PPIH: variants seen among roughly 807,000 people sequenced by gnomAD.
PPIH encodes peptidylprolyl isomerase H.
PPIH carries 16 observed loss-of-function variants against 27.6 expected under a neutral mutation model. That is an observed-to-expected ratio of 0.58 (90% CI 0.39 to 0.88). The LOEUF (loss-of-function observed/expected upper bound fraction) is 0.88, where lower values mean the gene tolerates loss of function less well. PPIH is among the 40% of genes least tolerant of loss of function. The pLI is 0.00. For synonymous variants in PPIH, 63 were observed against 76.1 expected, an observed-to-expected ratio of 0.83 and a Z score of 0.90; for missense variants, 155 against 224.1, an observed-to-expected ratio of 0.69 and a Z score of 1.97.
intron 9 of PPIH, among the ~76,000 whole-genome samples, chr1:42,667,851 G>A (rs562214214): frequency 4.3e-4 from 65 of 152,346 alleles, no homozygotes; most frequent in African/African-American, 1.5e-3. Flanking sequence ...AGACACACCT[G>A]TCATGCCTCT....
intron 9 of PPIH, among the ~76,000 whole-genome samples, chr1:42,674,668 T>C (rs1399912787): frequency 1.3e-5 from 2 of 152,238 alleles, no homozygotes; most frequent in African/African-American, 2.4e-5. Context: ...AAGATGATTC[T>C]AGCAGCATTG....
chr1:42,666,936 C>G (rs568070338), intron 8 of PPIH, among the ~76,000 whole-genome samples: 1 of 152,260 alleles, frequency 6.6e-6, no homozygotes, highest in Non-Finnish European at 1.5e-5. Context: ...CCATGCATGT[C>G]CCTGCTGCTT....
intron 8 of PPIH, 120 bp downstream of exon 8, chr1:42,666,707 C>T: frequency 1.9e-6 from 2 of 1,045,358 alleles, no homozygotes; most frequent in Admixed American, 2.0e-5. Context: ...TTCATTGCCC[C>T]AGGAAAAGGG....
At position 42,665,975 on chromosome 1, in the gene PPIH, A is replaced by T; in HGVS notation, c.337-5A>T. On this transcript the variant is annotated splice_polypyrimidine_tract_variant and splice_region_variant and intron_variant, in intron 6 of 9. Coordinates refer to ENST00000304979, the MANE Select transcript of PPIH (RefSeq NM_006347.4). ...CTTACTGCAGGTATATTTGGTTTCCATCAGGCGAACAGTGGTCCAAGTACA... is the reference window on the plus strand; with the variant it reads ...CTTACTGCAGGTATATTTGGTTTCCTTCAGGCGAACAGTGGTCCAAGTACA... The T allele has an allele frequency of 6.2e-7, 1 of 1,613,886 alleles. No individual in the cohort carries two copies. Among genetic ancestry groups the T allele is most frequent in the Non-Finnish European group, 8.5e-7 (1 of 1,179,740 alleles).
chr1:42,666,625 G>C, intron 8 of PPIH, 38 bp downstream of exon 8: 6 of 1,601,582 alleles, frequency 3.7e-6, no homozygotes, highest in Non-Finnish European at 4.3e-6. Flanking sequence ...CTCTGCCATT[G>C]TGGTCTGGTA....
chr1:42,675,936 G>T (rs1052733022), intron 9 of PPIH, among the ~76,000 whole-genome samples: 1 of 152,158 alleles, frequency 6.6e-6, no homozygotes, highest in African/African-American at 2.4e-5. Flanking sequence ...TGTGACTTCA[G>T]TCAAGCCATG....
At chr1:42,659,424 C>T (rs747332624) in intron 3 of PPIH, 98 bp from the exon 4 acceptor site, 1 of 1,614,092 alleles carries the variant, frequency 6.2e-7, no homozygotes. Context: ...TGTCTGTCAA[C>T]CATCTTTAGG....
intron 9 of PPIH, among the ~76,000 whole-genome samples, chr1:42,670,469 A>T (rs550652157): frequency 1.1e-4 from 17 of 152,130 alleles, no homozygotes; most frequent in Non-Finnish European, 2.2e-4. Context: ...ACATAAAGTT[A>T]CTGGAAGTCC....
intron 9 of PPIH, 23 bp downstream of exon 9, chr1:42,667,463 A>G: frequency 6.5e-7 from 1 of 1,531,972 alleles, no homozygotes; most frequent in Non-Finnish European, 9.0e-7. Context: ...TTCTCCTATT[A>G]GGTTAGGAAT....
intron 9 of PPIH, among the ~76,000 whole-genome samples, chr1:42,674,423 T>C (rs777793674): frequency 2.0e-5 from 3 of 151,988 alleles, no homozygotes; most frequent in East Asian, 1.9e-4. Flanking sequence ...GGTGAGAAGG[T>C]TGGAGAGAGG....
intron 8 of PPIH, 134 bp from the exon 9 acceptor site, chr1:42,667,217 A>G (rs2148718111): frequency 2.8e-6 from 2 of 703,016 alleles, no homozygotes; most frequent in East Asian, 5.4e-5. Flanking sequence ...TATATGCTTT[A>G]CCTGTCTGCC....
chr1:42,663,657 C>T (rs1218662376), intron 5 of PPIH, among the ~76,000 whole-genome samples: 4 of 152,138 alleles, frequency 2.6e-5, no homozygotes, highest in Non-Finnish European at 5.9e-5. Flanking sequence ...GCCTCAGCCT[C>T]CCAAAGTGAT....
At chr1:42,671,957 C>T (rs1649661708) in intron 9 of PPIH, among the ~76,000 whole-genome samples, 1 of 151,126 alleles carries the variant, frequency 6.6e-6, no homozygotes, top group Non-Finnish European at 1.5e-5. Flanking sequence ...GATCTCGGCT[C>T]ACTGCAGACT....
intron 5 of PPIH, 41 bp downstream of exon 5, chr1:42,660,945 GT>G: frequency 2.6e-6 from 4 of 1,567,480 alleles, no homozygotes; most frequent in Non-Finnish European, 3.5e-6. Context: ...CGTAGTTTTA[GT>G]TTTTGTTGTT....
chr1:42,675,873 G>A (rs1649856421), intron 9 of PPIH, among the ~76,000 whole-genome samples: 1 of 152,156 alleles, frequency 6.6e-6, no homozygotes, highest in South Asian at 2.1e-4. Context: ...CTGACAAAAA[G>A]GACAAAGGCT....
At chr1:42,661,593 C>T (rs371135352) in intron 5 of PPIH, among the ~76,000 whole-genome samples, 3 of 152,274 alleles carry the variant, frequency 2.0e-5, no homozygotes, top group Admixed American at 6.5e-5. Flanking sequence ...CCTTACCCCC[C>T]ACTTCTGAAT....
intron 6 of PPIH, 135 bp from the exon 7 acceptor site, chr1:42,665,845 G>A (rs754103843): frequency 1.4e-6 from 1 of 705,484 alleles, no homozygotes; most frequent in Non-Finnish European, 2.5e-6. Flanking sequence ...TTAGGCCCTG[G>A]CTCATAATAG....
In PPIH at chr1:42,666,607, T is replaced by A. The variant is rs1167086514; in HGVS notation, c.465+20T>A. The A allele has an allele frequency of 6.2e-7, 1 of 1,612,214 alleles. No individual in the cohort carries two copies. The highest frequency in any genetic ancestry group is 1.7e-5 in the Admixed American group (1 of 59,990). ...ATTGAGGTAAGTACTGCTTTGATTT[T>A]TCTGTTTCTCTGCCATTGTGGTCTG... On this transcript the variant is annotated intron_variant, in intron 8 of 9. Transcript: ENST00000304979.
downstream of PPIH, among the ~76,000 whole-genome samples, chr1:42,677,317 T>TAAAAAA (rs10631411): frequency 4.0e-5 from 6 of 151,192 alleles, no homozygotes; most frequent in African/African-American, 1.2e-4. Context: ...CTACTAAAAA[T>TAAAAAA]AAATTAGCTG....
Sources: gnomAD v4.1 joint callset for allele counts (sites outside exome capture counted in the v4.1 genomes callset) on GRCh38, gnomAD v4.1.1 for gene constraint, MANE v1.5 for transcripts, NCBI Gene and HGNC (gene_info 2026-07-23, HGNC 2026-07-21) for gene names.